The following GRIA1 variants were observed in gnomAD, a reference collection of about 807,000 sequenced individuals.
The protein encoded by GRIA1 is glutamate receptor 1.
In GRIA1, 31 loss-of-function variants were observed where a neutral mutation model predicts 99.2. The ratio of observed to expected loss-of-function variants is 0.31; its 90% CI spans 0.23 to 0.42. The LOEUF (loss-of-function observed/expected upper bound fraction) is 0.42. Ranked by LOEUF, GRIA1 falls within the 10% of genes least tolerant of loss-of-function variation. GRIA1 has a pLI of 1.00. For synonymous variants in GRIA1, 438 were observed against 432.4 expected, an observed-to-expected ratio of 1.01 and a Z score of -0.16; for missense variants, 782 against 1,157.5, an observed-to-expected ratio of 0.68 and a Z score of 4.71.
intron 11 of GRIA1, among the ~76,000 whole-genome samples, chr5:153,722,600 A>C (rs1315447267): frequency 6.6e-6 from 1 of 152,194 alleles, no homozygotes; most frequent in Non-Finnish European, 1.5e-5. Flanking sequence ...ACTTTCACAT[A>C]AATCAGTTAC....
chr5:153,789,780 A>T (rs997277720), intron 13 of GRIA1, among the ~76,000 whole-genome samples: 3 of 152,232 alleles, frequency 2.0e-5, no homozygotes, highest in African/African-American at 7.2e-5. Flanking sequence ...AGAGAAGTTT[A>T]CTGATTTACC....
At chr5:153,800,466 T>C (rs996315146) in intron 14 of GRIA1, among the ~76,000 whole-genome samples, 2 of 152,230 alleles carry the variant, frequency 1.3e-5, no homozygotes, top group African/African-American at 4.8e-5. Flanking sequence ...AACTCATTTT[T>C]TGCACATTAC....
chr5:153,742,549 G>A (rs1336947254), intron 11 of GRIA1, among the ~76,000 whole-genome samples: 2 of 152,176 alleles, frequency 1.3e-5, no homozygotes, highest in Non-Finnish European at 2.9e-5. Context: ...GACCTCTGGG[G>A]AGAATATGGT....
chr5:153,737,346 A>C (rs1301293708), intron 11 of GRIA1, among the ~76,000 whole-genome samples: 1 of 150,910 alleles, frequency 6.6e-6, no homozygotes, highest in Non-Finnish European at 1.5e-5. Flanking sequence ...ATATGAAACA[A>C]TTTGGAGCTC....
At chr5:153,507,893 G>A (rs1008825426) in intron 2 of GRIA1, among the ~76,000 whole-genome samples, 1 of 152,100 alleles carries the variant, frequency 6.6e-6, no homozygotes, top group East Asian at 1.9e-4. Context: ...AGACTACCTA[G>A]TGTTGCCACA....
chr5:153,562,689 GAGTA>G (rs1287848486), intron 2 of GRIA1, among the ~76,000 whole-genome samples: 4 of 152,168 alleles, frequency 2.6e-5, no homozygotes, highest in Non-Finnish European at 5.9e-5. Context: ...GTGAATGAGT[GAGTA>G]AGTGAGTGAG....
chr5:153,533,614 G>A (rs893501539), intron 2 of GRIA1, among the ~76,000 whole-genome samples: 5 of 152,184 alleles, frequency 3.3e-5, no homozygotes, highest in Non-Finnish European at 7.3e-5. Flanking sequence ...GAAAGAAGGT[G>A]ATGGAAGCAT....
At chr5:153,681,807 G>A (rs937258231) in intron 7 of GRIA1, among the ~76,000 whole-genome samples, 2 of 152,170 alleles carry the variant, frequency 1.3e-5, no homozygotes, top group South Asian at 2.1e-4. Flanking sequence ...AGGCTGAGGT[G>A]GGCAGATCAC....
Position 153,646,910 on chromosome 5 carries a change from C to CCTTCT in GRIA1, c.221-9_221-5dup. On this transcript the variant is annotated splice_polypyrimidine_tract_variant and intron_variant, in intron 2 of 15. Transcript: ENST00000285900. ...TTTTTGCAGTCTTCTATTCATTAATCCTTCTCTTCTCTTGTAGTCTGTTCC... is the reference window on the plus strand; with the variant it reads ...TTTTTGCAGTCTTCTATTCATTAATCCTTCTCTTCTCTTCTCTTGTAGTCTGTTCC... The CCTTCT allele has an allele frequency of 1.2e-6, 2 of 1,612,302 alleles. No individual in the cohort carries two copies. Among genetic ancestry groups the CCTTCT allele is most frequent in the Non-Finnish European group, 1.7e-6 (2 of 1,178,970 alleles).
intron 11 of GRIA1, among the ~76,000 whole-genome samples, chr5:153,724,520 A>T (rs1476073983): frequency 6.6e-6 from 1 of 152,226 alleles, no homozygotes; most frequent in African/African-American, 2.4e-5. Context: ...ATGAATGTAT[A>T]ACTAGAATAA....
chr5:153,603,393 T>C (rs1330381389), intron 2 of GRIA1, among the ~76,000 whole-genome samples: 1 of 152,178 alleles, frequency 6.6e-6, no homozygotes, highest in African/African-American at 2.4e-5. Flanking sequence ...AACGTGTGCA[T>C]GTGTCTTTAT....
At chr5:153,641,276 TA>T (rs1352808853) in intron 2 of GRIA1, among the ~76,000 whole-genome samples, 1 of 152,028 alleles carries the variant, frequency 6.6e-6, no homozygotes, top group African/African-American at 2.4e-5. Context: ...TGAGAGGCCT[TA>T]AATGAAGTGA....
At chr5:153,607,068 T>TATATATATATATATATATATATA (rs1491415058) in intron 2 of GRIA1, among the ~76,000 whole-genome samples, 4 of 140,406 alleles carry the variant, frequency 2.8e-5, no homozygotes, top group Non-Finnish European at 6.2e-5. Context: ...TATATATATA[T>TATATATATATATATATATATATA]AATCACAGTT....
At chr5:153,685,855 C>T (rs1297372455) in intron 7 of GRIA1, among the ~76,000 whole-genome samples, 3 of 152,142 alleles carry the variant, frequency 2.0e-5, no homozygotes, top group African/African-American at 7.2e-5. Context: ...CCTTTGCAGG[C>T]CCCCCATACT....
intron 11 of GRIA1, among the ~76,000 whole-genome samples, chr5:153,719,330 T>C (rs1247224769): frequency 6.6e-6 from 1 of 152,094 alleles, no homozygotes; most frequent in Admixed American, 6.6e-5. Context: ...ACAGTTATTT[T>C]ATTAAGATCA....
chr5:153,526,760 G>A (rs968731357), intron 2 of GRIA1, among the ~76,000 whole-genome samples: 1 of 152,206 alleles, frequency 6.6e-6, no homozygotes, highest in Non-Finnish European at 1.5e-5. Flanking sequence ...CACAAAGAGG[G>A]TGAATATGTG....
chr5:153,676,476 T>C (rs1756595515), intron 6 of GRIA1, among the ~76,000 whole-genome samples: 1 of 152,192 alleles, frequency 6.6e-6, no homozygotes, highest in Non-Finnish European at 1.5e-5. Flanking sequence ...AAGCCATATG[T>C]GGAAAAAATT....
At chr5:153,564,072 G>T (rs2149355493) in intron 2 of GRIA1, among the ~76,000 whole-genome samples, 1 of 152,300 alleles carries the variant, frequency 6.6e-6, no homozygotes, top group Non-Finnish European at 1.5e-5. Context: ...TGTGACCTCT[G>T]CACAATTCAG....
At chr5:153,627,578 T>C (rs374449708) in intron 2 of GRIA1, among the ~76,000 whole-genome samples, 1,661 of 112,810 alleles carry the variant, frequency 0.015, 31 homozygotes, top group African/African-American at 0.045. Context: ...AGTAAAAGAA[T>C]GGGGCAAGCG....
Sources: allele counts gnomAD v4.1 joint callset (sites outside exome capture counted in the v4.1 genomes callset), GRCh38; gene constraint gnomAD v4.1.1; transcripts MANE v1.5; gene names NCBI Gene and HGNC (gene_info 2026-07-23, HGNC 2026-07-21).